Variants in PRDM10 observed in about 807,000 individuals in gnomAD.
PRDM10 encodes PR/SET domain 10, also known as PR domain zinc finger protein 10.
In PRDM10, 65 loss-of-function variants were observed where a neutral mutation model predicts 133.1. That is an observed-to-expected ratio of 0.49 (90% confidence interval 0.40 to 0.60). The LOEUF is 0.60. PRDM10 is among the 20% of genes least tolerant of loss of function. The pLI, the probability that PRDM10 is intolerant of heterozygous loss-of-function variation, is 0.00. For missense variants in PRDM10, 1,137 were observed against 1,507.1 expected (o/e 0.75, Z 4.07); for synonymous variants, 582 against 580.4 (o/e 1.00, Z -0.04).
At chr11:129,972,419 C>T (rs1181199679) in intron 1 of PRDM10, among the ~76,000 whole-genome samples, 1 of 152,242 alleles carries the variant, frequency 6.6e-6, no homozygotes, top group Non-Finnish European at 1.5e-5. Flanking sequence ...AAAGAGTTAA[C>T]AAAAATTTGT....
At position 129,905,629 on chromosome 11, in the gene PRDM10, G is replaced by A. The variant is rs538439819; in HGVS notation, c.3267+9C>T. The A allele has an allele frequency of 2.9e-5, 47 of 1,610,028 alleles. No homozygotes were observed. The highest frequency in any genetic ancestry group is 1.6e-4 in the Middle Eastern group (1 of 6,080). On this transcript the variant is annotated intron_variant, in intron 20 of 20. Transcript: ENST00000360871. ...GACAGGAAAAACCCGACCGAGTAGC[G>A]TAGCTTACCGAAGTAACCGCCTTCA...
chr11:129,974,662 G>A (rs2135954749), intron 1 of PRDM10, among the ~76,000 whole-genome samples: 1 of 152,312 alleles, frequency 6.6e-6, no homozygotes, highest in Middle Eastern at 3.4e-3. Flanking sequence ...AGTTACATCT[G>A]AGGACCAGGA....
Position 129,905,232 on chromosome 11 carries a change from C to T in PRDM10, c.3267+406G>A, listed in dbSNP as rs573966031. On this transcript the variant is annotated intron_variant, in intron 20 of 20. Coordinates refer to ENST00000360871, the MANE Select transcript of PRDM10 (RefSeq NM_199437.2). ...CAAAAATCAGTTGGGTGTGGTGGTG[C>T]GTGTCTGTAATCCCAGCTACTTGGG... 5.3e-5 allele frequency among the ~76,000 whole-genome samples: 8 copies of T among 151,924 alleles called. 1 individual carries two copies. In the South Asian group the frequency reaches 1.3e-3, roughly 24 times the overall value.
intron 20 of PRDM10, among the ~76,000 whole-genome samples, chr11:129,903,894 G>A (rs556938135): frequency 6.6e-6 from 1 of 152,170 alleles, no homozygotes; most frequent in Non-Finnish European, 1.5e-5. Flanking sequence ...TTAAATTAGT[G>A]TGCACATACA....
intron 18 of PRDM10, 85 bp from the exon 19 acceptor site, chr11:129,910,741 G>C (rs1950164023): frequency 9.2e-6 from 11 of 1,189,942 alleles, no homozygotes; most frequent in Non-Finnish European, 1.3e-5. Context: ...AAGTACACCA[G>C]ACTCATATGA....
intron 1 of PRDM10, among the ~76,000 whole-genome samples, chr11:129,990,671 A>G (rs1037238891): frequency 2.0e-5 from 3 of 151,934 alleles, no homozygotes; most frequent in African/African-American, 7.3e-5. Flanking sequence ...AGGTCTAGCT[A>G]TGTTGCCTAG....
Position 129,947,278 on chromosome 11 carries a change from T to C in PRDM10, c.387A>G (p.Arg129=), listed in dbSNP as rs1187343191. 1.9e-6 allele frequency: 3 copies of C among 1,614,042 alleles called. No homozygotes were observed. The highest frequency in any genetic ancestry group is 2.5e-6 in the Non-Finnish European group (3 of 1,180,036). ...PLATLQTPLG[R]LEAKEEEDED... is the part of the protein sequence containing the mutation. ...CATCCTCTTCCTCTTTGGCCTCCAG[T>C]CTGCCTAGAGGGGTCTGCAGAGTTG... is the stretch of plus-strand genomic sequence containing the variant. Residue 129 remains arginine (R), a synonymous_variant, in exon 5 of 21, where the codon AGA becomes AGG. Transcript: ENST00000360871. This position sits in a 1 kb window ranked among gnomAD's most constrained non-coding sequence, Gnocchi z 4.6.
rs747500778 is a variant in PRDM10 at position 129,912,204 on chromosome 11, G to A, written c.2863C>T (p.Gln955Ter). The change falls in exon 18 of 21, where the codon CAG becomes TAG. Residue 955 changes from glutamine to a stop codon, truncating the protein, a stop_gained. Coordinates refer to ENST00000360871, the MANE Select transcript of PRDM10 (RefSeq NM_199437.2). LOFTEE classifies it high-confidence loss of function. ...TGGCCAACATCCACAGTGGACTGCT[G>A]TGACTGGTGAGGGGAAGTGGCCTGG... is the stretch of plus-strand genomic sequence containing the variant. Reference protein sequence around the residue: ...VASATSPHQSQQSTVDVGQLH... With the variant: ...VASATSPHQS 6.2e-7 allele frequency: 1 copy of A among 1,601,210 alleles called. No individual in the cohort carries two copies. Among genetic ancestry groups the A allele is most frequent in the Admixed American group, 1.7e-5 (1 of 58,622 alleles).
rs544966640 is a variant in PRDM10 at position 129,916,610 on chromosome 11, G to A, written c.2325+517C>T. Among the ~76,000 whole-genome samples the A allele has an allele frequency of 1.8e-4, 28 of 152,310 alleles. 1 individual carries two copies. Among genetic ancestry groups the A allele is most frequent in the African/African-American group, 6.5e-4 (27 of 41,570 alleles). On this transcript the variant is annotated intron_variant, in intron 15 of 20. Transcript: ENST00000360871. The stretch of plus-strand genomic sequence containing the variant: ...AGATCATGCCACTGCACTCCAGCCT[G>A]TGTAACAGAGCAAGACTCCATCTCA...
At chr11:129,968,565 C>G (rs1315184908) in intron 1 of PRDM10, among the ~76,000 whole-genome samples, 1 of 152,066 alleles carries the variant, frequency 6.6e-6, no homozygotes, top group African/African-American at 2.4e-5. Flanking sequence ...TGTTCTCTCT[C>G]TGATATTACC....
rs1951461436 is a variant in PRDM10, at chr11:129,947,561, T to C, written c.295-191A>G. The C allele has an allele frequency of 6.9e-7, 1 of 1,449,578 alleles. No individual in the cohort carries two copies. Among genetic ancestry groups the C allele is most frequent in the Admixed American group, 2.7e-5 (1 of 36,886 alleles). 89.8% of individuals were successfully genotyped at this position (1,449,578 alleles called of 1,614,324 possible). The stretch of plus-strand genomic sequence containing the variant: ...GAGCTGGCTTCATTTTTGATCTGAC[T>C]GCTCACAGCCTTTAAGCCTCTGCCC... On this transcript the variant is annotated intron_variant, in intron 4 of 20. Coordinates refer to ENST00000360871, the MANE Select transcript of PRDM10 (RefSeq NM_199437.2). This position sits in a 1 kb window ranked among gnomAD's most constrained non-coding sequence, Gnocchi z 4.6.
intron 17 of PRDM10, 72 bp downstream of exon 17, chr11:129,914,632 C>G: frequency 6.3e-7 from 1 of 1,582,444 alleles, no homozygotes; most frequent in Non-Finnish European, 8.7e-7. Flanking sequence ...GATCCCAGCC[C>G]CAGCTCTGAG....
At chr11:129,988,457 C>A (rs1938544721) in intron 1 of PRDM10, among the ~76,000 whole-genome samples, 2 of 151,974 alleles carry the variant, frequency 1.3e-5, no homozygotes, top group Non-Finnish European at 2.9e-5. Flanking sequence ...GTCTCGAACT[C>A]CTGGGCTCAA....
At chr11:129,982,654 C>CA (rs1938178772) in intron 1 of PRDM10, among the ~76,000 whole-genome samples, 1 of 152,016 alleles carries the variant, frequency 6.6e-6, no homozygotes, top group South Asian at 2.1e-4. Context: ...TCTTAATAAT[C>CA]AAAAAGCTAT....
intron 19 of PRDM10, 36 bp downstream of exon 19, chr11:129,910,439 AC>A (rs759684042): frequency 6.2e-7 from 1 of 1,611,774 alleles, no homozygotes; most frequent in South Asian, 1.1e-5. Flanking sequence ...GAGATCCCCC[AC>A]CCCTGACCGA....
At chr11:129,933,865 T>C (rs1388254693) in intron 9 of PRDM10, among the ~76,000 whole-genome samples, 1 of 152,112 alleles carries the variant, frequency 6.6e-6, no homozygotes, top group African/African-American at 2.4e-5. Context: ...GTAAGCCTCT[T>C]CATGCCAATC....
At chr11:129,978,667 G>A (rs1314246713) in intron 1 of PRDM10, among the ~76,000 whole-genome samples, 1 of 152,196 alleles carries the variant, frequency 6.6e-6, no homozygotes, top group African/African-American at 2.4e-5. Context: ...CACTTCCCAT[G>A]CAGAAATCTT....
chr11:129,953,770 A>C (rs138798990), intron 4 of PRDM10, among the ~76,000 whole-genome samples: 1 of 144,702 alleles, frequency 6.9e-6, no homozygotes, highest in Non-Finnish European at 1.5e-5. Context: ...TCTTTGGGGT[A>C]TTTATCCTAA....
In PRDM10 at chr11:129,942,527, G is replaced by A. The variant is rs1951245261; in HGVS notation, c.865C>T (p.Pro289Ser). Residue 289 changes from proline (P) to serine (S), a missense_variant, in exon 7 of 21, where the codon CCA (proline) becomes TCA (serine). By Grantham distance (74) the Pro-to-Ser change is moderately conservative (BLOSUM62 -1). Around this residue, in one of 6 missense-constraint regions of PRDM10, gnomAD observed 635 missense variants for 835.2 expected, o/e 0.76. Coordinates refer to ENST00000360871, the MANE Select transcript of PRDM10 (RefSeq NM_199437.2). ...TLCNWMMFVRPAQNHLEQNLV... is the reference protein window; with the variant it reads ...TLCNWMMFVRSAQNHLEQNLV... ...TTCTGCTCCAGGTGATTCTGGGCTG[G>A]CCGTACAAACATCATCCAGTTACAA... 1 of 1,613,956 alleles carries A rather than the reference G, an allele frequency of 6.2e-7. No homozygotes were observed. Among genetic ancestry groups the A allele is most frequent in the Non-Finnish European group, 8.5e-7 (1 of 1,179,978 alleles).
Sources: allele counts gnomAD v4.1 joint callset (sites outside exome capture counted in the v4.1 genomes callset), GRCh38; gene constraint gnomAD v4.1.1; regional missense constraint gnomAD v4.1.1; non-coding constraint Gnocchi (gnomAD v3.1); transcripts MANE v1.5; gene names NCBI Gene and HGNC (gene_info 2026-07-23, HGNC 2026-07-21).